Variants in POFUT3 observed in about 807,000 individuals in gnomAD.
The protein encoded by POFUT3 is protein O-fucosyltransferase 3.
At chr8:33,412,172 A>G in the POFUT3 span, among the ~76,000 whole-genome samples, 7 of 152,230 alleles carry the variant, frequency 4.6e-5, no homozygotes, top group Non-Finnish European at 1.0e-4. Context: ...CCTCAATGTA[A>G]GTAAAACCCA....
the POFUT3 span, among the ~76,000 whole-genome samples, chr8:33,336,898 G>A: frequency 6.6e-6 from 1 of 152,146 alleles, no homozygotes; most frequent in African/African-American, 2.4e-5. Context: ...ATCCTGGCCT[G>A]TCTCTCTTCT....
chr8:33,386,294 T>C, the POFUT3 span, among the ~76,000 whole-genome samples: 1 of 151,926 alleles, frequency 6.6e-6, no homozygotes, highest in Non-Finnish European at 1.5e-5. Flanking sequence ...CATTTTGGAA[T>C]TGGAACTACT....
the POFUT3 span, among the ~76,000 whole-genome samples, chr8:33,320,662 A>C: frequency 2.0e-5 from 3 of 152,108 alleles, no homozygotes; most frequent in African/African-American, 7.2e-5. Context: ...AACGATTAAG[A>C]TAGTGCACTT....
At chr8:33,319,182 A>ATATGTAAATATGT in the POFUT3 span, among the ~76,000 whole-genome samples, 2 of 50 alleles carry the variant, frequency 0.04, 1 homozygote, top group African/African-American at 0.17. Context: ...TATATTATAT[A>ATATGTAAATATGT]AAATATATTT....
At chr8:33,434,653 C>T in the POFUT3 span, among the ~76,000 whole-genome samples, 3 of 152,192 alleles carry the variant, frequency 2.0e-5, no homozygotes, top group Non-Finnish European at 2.9e-5. Flanking sequence ...AGCAGGGCAC[C>T]AGACCTCGGC....
chr8:33,389,783 A>G, the POFUT3 span: 4 of 1,612,982 alleles, frequency 2.5e-6, no homozygotes, highest in African/African-American at 5.3e-5. Flanking sequence ...TAAGCTATCT[A>G]TGTTAAAGTC....
the POFUT3 span, among the ~76,000 whole-genome samples, chr8:33,343,016 A>G: frequency 6.6e-6 from 1 of 151,874 alleles, no homozygotes; most frequent in African/African-American, 2.4e-5. Context: ...CTGAGGCAGG[A>G]GAATCGCTTG....
At chr8:33,472,298 G>C in the POFUT3 span, among the ~76,000 whole-genome samples, 18 of 152,214 alleles carry the variant, frequency 1.2e-4, no homozygotes, top group Non-Finnish European at 2.6e-4. Flanking sequence ...CAGGGGGCAG[G>C]CTGTTGGGGC....
At chr8:33,332,488 G>GA in the POFUT3 span, among the ~76,000 whole-genome samples, 174 of 61,236 alleles carry the variant, frequency 2.8e-3, no homozygotes, top group South Asian at 0.035. Flanking sequence ...CTGTCTGAAA[G>GA]AAAAAAAAAA....
chr8:33,318,196 AT>A, the POFUT3 span, among the ~76,000 whole-genome samples: 1 of 151,798 alleles, frequency 6.6e-6, no homozygotes, highest in Non-Finnish European at 1.5e-5. Flanking sequence ...GCTTAGGCTT[AT>A]TTTATTTCCT....
the POFUT3 span, among the ~76,000 whole-genome samples, chr8:33,365,230 C>T: frequency 1.3e-5 from 2 of 152,124 alleles, no homozygotes; most frequent in South Asian, 2.1e-4. Context: ...AACTGGATCC[C>T]TTCCTTACAC....
chr8:33,375,888 G>A, the POFUT3 span, among the ~76,000 whole-genome samples: 11 of 151,854 alleles, frequency 7.2e-5, no homozygotes, highest in East Asian at 9.7e-4. Flanking sequence ...GTGGTGGCGC[G>A]TGCCTGTAAT....
chr8:33,344,391 C>T, the POFUT3 span, among the ~76,000 whole-genome samples: 1 of 152,186 alleles, frequency 6.6e-6, no homozygotes, highest in East Asian at 1.9e-4. Flanking sequence ...TGAATAACCA[C>T]GTATCGATGG....
At chr8:33,454,118 C>G in the POFUT3 span, among the ~76,000 whole-genome samples, 1 of 152,164 alleles carries the variant, frequency 6.6e-6, no homozygotes, top group South Asian at 2.1e-4. Flanking sequence ...CAGAGCAAGA[C>G]CTTGTCTCAA....
chr8:33,422,029 C>T, the POFUT3 span, among the ~76,000 whole-genome samples: 2 of 150,382 alleles, frequency 1.3e-5, no homozygotes, highest in African/African-American at 2.5e-5. Flanking sequence ...AAAACAAAAA[C>T]AAAAACAAAA....
chr8:33,468,387 T>C, the POFUT3 span, among the ~76,000 whole-genome samples: 845 of 152,210 alleles, frequency 5.6e-3, 7 homozygotes, highest in Non-Finnish European at 8.7e-3. Flanking sequence ...GCTCTGGTAA[T>C]TGGGGAGTCA....
chr8:33,365,798 A>G, the POFUT3 span, among the ~76,000 whole-genome samples: 1 of 152,222 alleles, frequency 6.6e-6, no homozygotes, highest in African/African-American at 2.4e-5. Context: ...ATGCTTTTAC[A>G]CTGTTGGTGG....
the POFUT3 span, among the ~76,000 whole-genome samples, chr8:33,470,236 C>CAAAAAAAAAAAAAAAAAAAAAAAAAA: frequency 1.1e-5 from 1 of 89,114 alleles, no homozygotes; most frequent in African/African-American, 4.6e-5. Flanking sequence ...CCCATCTCTA[C>CAAAAAAAAAAAAAAAAAAAAAAAAAA]AAAAAAAAAA....
the POFUT3 span, among the ~76,000 whole-genome samples, chr8:33,380,247 C>CTA: frequency 1.2e-5 from 1 of 80,276 alleles, no homozygotes; most frequent in East Asian, 2.8e-4. Context: ...TATATATATA[C>CTA]TATATATATA....
Sources: gnomAD v4.1 joint callset for allele counts (sites outside exome capture counted in the v4.1 genomes callset) on GRCh38, gnomAD v4.1.1 for gene constraint, MANE v1.5 for transcripts, NCBI Gene and HGNC (gene_info 2026-07-23, HGNC 2026-07-21) for gene names.